Variants in PREX1 observed in about 807,000 individuals in gnomAD.
PREX1 encodes the protein phosphatidylinositol-3,4,5-trisphosphate dependent Rac exchange factor 1.
In PREX1, 41 loss-of-function variants were observed where a neutral mutation model predicts 198.3. That is an observed-to-expected ratio of 0.21 (90% CI 0.16 to 0.27). The LOEUF is 0.27. PREX1 is among the 10% of genes least tolerant of loss of function. PREX1 has a pLI of 1.00. For synonymous variants in PREX1, 843 were observed against 887.2 expected (o/e 0.95, Z 0.89); for missense variants, 1,620 against 2,200.7 (o/e 0.74, Z 5.28).
At chr20:48,740,525 G>A (rs1305346372) in intron 3 of PREX1, among the ~76,000 whole-genome samples, 1 of 152,168 alleles carries the variant, frequency 6.6e-6, no homozygotes, top group Admixed American at 6.5e-5. Flanking sequence ...CCTTCCAGAT[G>A]GGACTATCAG....
rs1555837402 is a variant in PREX1 at position 48,713,872 on chromosome 20, A to AG, written c.622-5452_622-5451insC. The stretch of plus-strand genomic sequence containing the variant: ...CCCAGAACTATAAAAAAAAAAAAAA[A>AG]AAAAGAAAATCAAAAGTAAAAATCA... On this transcript the variant is annotated intron_variant, in intron 5 of 39. Transcript: ENST00000371941. 7.6e-3 allele frequency among the ~76,000 whole-genome samples: 1,127 copies of AG among 147,776 alleles called. 15 individuals carry two copies. The highest frequency in any genetic ancestry group is 0.025 in the African/African-American group (989 of 39,140).
chr20:48,636,947 C>T (rs1431501953), intron 31 of PREX1, among the ~76,000 whole-genome samples: 2 of 152,246 alleles, frequency 1.3e-5, no homozygotes, highest in Admixed American at 6.5e-5. Context: ...AACAAACAAA[C>T]ATCTTGTGAT....
chr20:48,628,960 G>GCTC (rs1174540401), intron 37 of PREX1, among the ~76,000 whole-genome samples: 1 of 152,146 alleles, frequency 6.6e-6, no homozygotes, highest in Non-Finnish European at 1.5e-5. Context: ...GGGGAGTGGG[G>GCTC]GTGAGGGCTG....
rs569815396 is a variant in PREX1, at chr20:48,688,888, C to G, written c.1187-84G>C. ...GGGGAGACAAGGGGCAGGCCCACAGCTCCTGAAAGCTGGCCTGCCACCTGC... is the reference window on the plus strand; with the variant it reads ...GGGGAGACAAGGGGCAGGCCCACAGGTCCTGAAAGCTGGCCTGCCACCTGC... On this transcript the variant is annotated intron_variant, in intron 9 of 39. Coordinates refer to ENST00000371941, the MANE Select transcript of PREX1 (RefSeq NM_020820.4). The G allele has an allele frequency of 5.9e-6, 9 of 1,534,948 alleles. No individual in the cohort carries two copies. The South Asian group carries it at 1.0e-4, about 18-fold the overall frequency.
intron 5 of PREX1, among the ~76,000 whole-genome samples, chr20:48,708,709 A>G (rs1245259478): frequency 2.6e-5 from 4 of 152,140 alleles, no homozygotes; most frequent in Non-Finnish European, 4.4e-5. Context: ...GAGGCCCTGG[A>G]CAGAGCAAGA....
intron 24 of PREX1, 73 bp downstream of exon 24, chr20:48,649,923 T>C: frequency 6.5e-7 from 1 of 1,546,378 alleles, no homozygotes; most frequent in Non-Finnish European, 8.9e-7. Context: ...ACGGCTGACC[T>C]TCAGACAAGT....
At chr20:48,671,807 C>T (rs1601064336) in intron 14 of PREX1, among the ~76,000 whole-genome samples, 1 of 152,218 alleles carries the variant, frequency 6.6e-6, no homozygotes, top group African/African-American at 2.4e-5. Context: ...GTTGCCTTTC[C>T]AACCATCTCC....
chr20:48,738,432 A>G (rs929558128), intron 3 of PREX1, among the ~76,000 whole-genome samples: 3 of 152,184 alleles, frequency 2.0e-5, no homozygotes, highest in Admixed American at 1.3e-4. Flanking sequence ...AGCAAAGGAC[A>G]ACATCCCCTC....
intron 5 of PREX1, among the ~76,000 whole-genome samples, chr20:48,725,937 C>A (rs921097652): frequency 4.6e-5 from 7 of 152,218 alleles, no homozygotes; most frequent in African/African-American, 1.7e-4. Context: ...GCGCATGACT[C>A]AGGCCCAAAC....
chr20:48,710,873 C>T (rs189254130), intron 5 of PREX1, among the ~76,000 whole-genome samples: 8 of 152,308 alleles, frequency 5.3e-5, no homozygotes, highest in African/African-American at 1.4e-4. Flanking sequence ...GGGAGGCCAG[C>T]GGAGCTGCAG....
At chr20:48,788,039 A>T (rs1223312248) in intron 1 of PREX1, among the ~76,000 whole-genome samples, 1 of 152,230 alleles carries the variant, frequency 6.6e-6, no homozygotes, top group Non-Finnish European at 1.5e-5. Flanking sequence ...GCACCCAGGA[A>T]TCAGCCACAT....
At chr20:48,884,880 G>A in the PREX1 span, among the ~76,000 whole-genome samples, 1 of 152,194 alleles carries the variant, frequency 6.6e-6, no homozygotes, top group Non-Finnish European at 1.5e-5. Context: ...GGGAGGCAGA[G>A]GTGGATGGAT....
chr20:48,648,814 C>T (rs1293265139), intron 25 of PREX1, among the ~76,000 whole-genome samples: 1 of 152,208 alleles, frequency 6.6e-6, no homozygotes, highest in Non-Finnish European at 1.5e-5. Context: ...CATCCTAGAG[C>T]TGAGTAAGGA....
chr20:48,644,455 G>A lies in PREX1; in HGVS notation c.3555C>T (p.Ser1185=), dbSNP rs759917568. The A allele has an allele frequency of 1.4e-5, 23 of 1,613,840 alleles. No homozygotes were observed. In the Admixed American group the frequency reaches 1.8e-4, roughly 13 times the overall value. The part of the protein sequence containing the change: ...SNRDSVLSYT[S]VRSNSSYLGS... ...CCAAGTAGGAGCTGTTACTTCTCAC[G>A]CTGGTGTAGGACAGGACCGAGTCTC... Residue 1185 remains serine, a synonymous_variant, in exon 27 of 40, where the codon AGC becomes AGT. Transcript: ENST00000371941.
chr20:48,649,920 A>C, intron 24 of PREX1, 76 bp downstream of exon 24: 1 of 1,528,068 alleles, frequency 6.5e-7, no homozygotes. Flanking sequence ...TGGACGGCTG[A>C]CCTTCAGACA....
chr20:48,730,951 A>G (rs2090032342), intron 4 of PREX1, among the ~76,000 whole-genome samples: 1 of 152,194 alleles, frequency 6.6e-6, no homozygotes, highest in South Asian at 2.1e-4. Flanking sequence ...GGCCATGATC[A>G]AGCCATTACA....
rs2076558 is a variant in PREX1 at position 48,655,312 on chromosome 20, C to T, written c.2187G>A (p.Pro729=). The part of the protein sequence containing the change: ...LCFQIRGAAP[P]YVYAVGRGSE... ...CACCTCTCCCCACAGCATAGACGTA[C>T]GGTGGGGCAGCTCCACGAATCTGGA... The change falls in exon 19 of 40, where the codon CCG becomes CCA. Residue 729 remains proline (P), a synonymous_variant. Coordinates refer to ENST00000371941, the MANE Select transcript of PREX1 (RefSeq NM_020820.4). The T allele has an allele frequency of 3.4e-5, 54 of 1,593,628 alleles. No individual in the cohort carries two copies. The East Asian group carries it at 6.5e-4, about 19-fold the overall frequency.
At position 48,777,775 on chromosome 20, in the gene PREX1, G is replaced by C. The variant is rs141759752; in HGVS notation, c.220-29895C>G. ...TACTCTGTAGTGACAAAGACCTGCG[G>C]AGAGGCTGTGGATCAAGAACTAAGA... On this transcript the variant is annotated intron_variant, in intron 1 of 39. Transcript: ENST00000371941. Among the ~76,000 whole-genome samples the C allele has an allele frequency of 9.0e-4, 137 of 152,340 alleles. 1 individual carries two copies. The highest frequency in any genetic ancestry group is 3.3e-3 in the African/African-American group (136 of 41,578).
intron 1 of PREX1, among the ~76,000 whole-genome samples, chr20:48,781,108 C>T (rs1373428829): frequency 6.6e-6 from 1 of 152,144 alleles, no homozygotes; most frequent in Non-Finnish European, 1.5e-5. Flanking sequence ...GGAACTCTCA[C>T]AGATTACAGG....
Sources: allele counts gnomAD v4.1 joint callset (sites outside exome capture counted in the v4.1 genomes callset), GRCh38; gene constraint gnomAD v4.1.1; transcripts MANE v1.5; gene names NCBI Gene and HGNC (gene_info 2026-07-23, HGNC 2026-07-21).